The following MGAT4A variants were observed in gnomAD, a reference collection of about 807,000 sequenced individuals.
MGAT4A encodes the protein alpha-1,3-mannosyl-glycoprotein 4-beta-N-acetylglucosaminyltransferase A, also known as N-acetylglucosaminyltransferase IVa.
MGAT4A carries 33 observed loss-of-function variants against 74.1 expected under a neutral mutation model. That is an observed-to-expected ratio of 0.45 (90% confidence interval 0.34 to 0.60). The LOEUF (loss-of-function observed/expected upper bound fraction) is 0.60, where lower values mean the gene tolerates loss of function less well. MGAT4A is among the 20% of genes least tolerant of loss of function. The pLI is 0.02. For synonymous variants in MGAT4A, 198 were observed against 210.4 expected (o/e 0.94, Z 0.51); for missense variants, 479 against 628.3 (o/e 0.76, Z 2.54).
At chr2:98,653,476 T>C (rs1008014836) in intron 8 of MGAT4A, among the ~76,000 whole-genome samples, 2 of 151,042 alleles carry the variant, frequency 1.3e-5, no homozygotes, top group African/African-American at 4.9e-5. Flanking sequence ...TAACTAAAAG[T>C]AGAAATGAAA....
intron 8 of MGAT4A, 71 bp downstream of exon 8, chr2:98,655,374 T>G (rs1431020963): frequency 2.5e-6 from 3 of 1,217,334 alleles, no homozygotes; most frequent in Non-Finnish European, 3.5e-6. Flanking sequence ...ACTTCCTGTT[T>G]TAATGAAAAC....
At position 98,639,801 on chromosome 2, in the gene MGAT4A, C is replaced by T. The variant is rs1701378319; in HGVS notation, c.1322+7G>A. Reference sequence around the variant, plus strand: ...GTAAGATCACATACATTTCAATAATCACCAACCTTTCTACATTGACTGGTT... The same window carrying T: ...GTAAGATCACATACATTTCAATAATTACCAACCTTTCTACATTGACTGGTT... On this transcript the variant is annotated splice_region_variant and intron_variant, in intron 12 of 15. Coordinates refer to ENST00000393487, the MANE Select transcript of MGAT4A (RefSeq NM_012214.3). The T allele has an allele frequency of 1.9e-6, 3 of 1,598,730 alleles. No individual in the cohort carries two copies. The highest frequency in any genetic ancestry group is 2.2e-5 in the South Asian group (2 of 89,842).
intron 4 of MGAT4A, among the ~76,000 whole-genome samples, chr2:98,665,774 G>A (rs1215901147): frequency 3.3e-5 from 5 of 152,232 alleles, no homozygotes; most frequent in East Asian, 1.9e-4. Context: ...GTGTGGTCAC[G>A]GAAGGCCTCT....
intron 10 of MGAT4A, among the ~76,000 whole-genome samples, chr2:98,642,692 A>G (rs1701428065): frequency 1.3e-5 from 2 of 152,248 alleles, no homozygotes; most frequent in Admixed American, 6.5e-5. Flanking sequence ...AAAAATTTCT[A>G]TAAGTCACAG....
At chr2:98,681,520 AG>A (rs1356406855) in intron 2 of MGAT4A, among the ~76,000 whole-genome samples, 2 of 152,184 alleles carry the variant, frequency 1.3e-5, no homozygotes, top group Non-Finnish European at 2.9e-5. Context: ...GCATAAACAC[AG>A]TGTCCAAACA....
intron 4 of MGAT4A, among the ~76,000 whole-genome samples, chr2:98,671,675 T>C (rs1271935296): frequency 6.6e-6 from 1 of 152,176 alleles, no homozygotes; most frequent in Non-Finnish European, 1.5e-5. Context: ...AAGATGTCCA[T>C]GCCGTAATTC....
intron 7 of MGAT4A, 27 bp from the exon 8 acceptor site, chr2:98,655,547 G>A (rs1165006684): frequency 2.0e-6 from 3 of 1,503,766 alleles, no homozygotes; most frequent in East Asian, 2.3e-5. Flanking sequence ...CAAAAAGTAA[G>A]TTAGGAATCA....
rs1375229374 is a variant in MGAT4A at position 98,700,730 on chromosome 2, A to T, written c.95-22259T>A. On this transcript the variant is annotated intron_variant, in intron 2 of 15. Transcript: ENST00000393487. ...ACATGGCAAAACCCCATCTCTACTA[A>T]AAGTACAAAAATTAGCCAGCCGTGG... 3.3e-5 allele frequency among the ~76,000 whole-genome samples: 5 copies of T among 152,114 alleles called. No homozygotes were observed. The East Asian group carries it at 9.7e-4, about 29-fold the overall frequency.
chr2:98,631,055 C>T (rs1161127416), intron 14 of MGAT4A, among the ~76,000 whole-genome samples: 1 of 152,214 alleles, frequency 6.6e-6, no homozygotes, highest in Non-Finnish European at 1.5e-5. Flanking sequence ...TGACCAGTGG[C>T]CCTTTCCTTC....
Position 98,663,099 on chromosome 2 carries a change from T to G in MGAT4A, c.484A>C (p.Asn162His), listed in dbSNP as rs750736331. The part of the protein sequence containing the change: ...LIETLHSLID[N>H]LYPEEKLDCV... ...TCCAACTTCTCTTCAGGATACAGGT[T>G]ATCAATAAGGGAATGAAGAGTTTCT... is the stretch of plus-strand genomic sequence containing the variant. Residue 162 changes from asparagine (N) to histidine (H), a missense_variant, in exon 5 of 16, where the codon AAC (asparagine) becomes CAC (histidine). Around this residue, in one of 3 missense-constraint regions of MGAT4A, gnomAD observed 205 missense variants for 232.7 expected, o/e 0.88. Coordinates refer to ENST00000393487, the MANE Select transcript of MGAT4A (RefSeq NM_012214.3). The G allele has an allele frequency of 6.9e-6, 11 of 1,601,784 alleles. No individual in the cohort carries two copies. The East Asian group carries it at 2.5e-4, about 36-fold the overall frequency.
rs1333823182 is a variant in MGAT4A, at chr2:98,620,289, TCAAA to T, written c.*5273_*5276del. On this transcript the variant is annotated 3_prime_UTR_variant, in exon 16 of 16. Transcript: ENST00000393487. ...AATTTAAAATGCACAACTACCAAAG[TCAAA>T]CAAAATTTTACACACTATAAATACT... 8 of 152,174 alleles carry T rather than the reference TCAAA, an allele frequency of 5.3e-5. No individual in the cohort carries two copies. Among genetic ancestry groups the T allele is most frequent in the African/African-American group, 7.2e-5 (3 of 41,444 alleles). 9.4% of individuals were successfully genotyped at this position (152,174 alleles called of 1,614,324 possible).
chr2:98,646,360 A>T (rs537373315), intron 8 of MGAT4A, among the ~76,000 whole-genome samples: 8 of 152,160 alleles, frequency 5.3e-5, no homozygotes, highest in Non-Finnish European at 1.2e-4. Flanking sequence ...GATCGATTCC[A>T]GATCTGGGAT....
chr2:98,623,130 C>T lies in MGAT4A; in HGVS notation c.*2436G>A, dbSNP rs577930212. 516 of 985,336 alleles carry T rather than the reference C, an allele frequency of 5.2e-4. No homozygotes were observed. The Middle Eastern group carries it at 0.011, about 22-fold the overall frequency. The allele number at this position is 985,336 out of a possible 1,614,324, so 61.0% of individuals were successfully genotyped here. A position where few individuals can be genotyped will look rare whatever the true frequency, so the allele number is the denominator to read the frequency against. Reference sequence around the variant, plus strand: ...ACGTGCCTGGCACACACCCTAGGCACGGGTAGATTCATGGGGAGAGAAGCA... The same window carrying T: ...ACGTGCCTGGCACACACCCTAGGCATGGGTAGATTCATGGGGAGAGAAGCA... On this transcript the variant is annotated 3_prime_UTR_variant, in exon 16 of 16. Coordinates refer to ENST00000393487, the MANE Select transcript of MGAT4A (RefSeq NM_012214.3).
chr2:98,709,391 G>T (rs1309690512), intron 2 of MGAT4A, among the ~76,000 whole-genome samples: 1 of 152,090 alleles, frequency 6.6e-6, no homozygotes, highest in East Asian at 1.9e-4. Context: ...TTAAAAAGGG[G>T]AAAACAGGAA....
intron 2 of MGAT4A, among the ~76,000 whole-genome samples, chr2:98,713,248 GAC>G (rs1702543986): frequency 1.5e-5 from 2 of 131,612 alleles, no homozygotes; most frequent in South Asian, 4.8e-4. Context: ...AATATTAATA[GAC>G]ATGCAAAATA....
intron 4 of MGAT4A, among the ~76,000 whole-genome samples, chr2:98,665,096 G>C (rs1170324433): frequency 6.6e-6 from 1 of 152,040 alleles, no homozygotes; most frequent in African/African-American, 2.4e-5. Flanking sequence ...TTGGGAGGCC[G>C]AGGCGGGTGG....
rs1559165924 is a variant in MGAT4A, at chr2:98,675,048, G to GTT, written c.388_389dup (p.Asn130LysfsTer9). 1 of 1,608,282 alleles carries GTT rather than the reference G, an allele frequency of 6.2e-7. No individual in the cohort carries two copies. Among genetic ancestry groups the GTT allele is most frequent in the Non-Finnish European group, 8.5e-7 (1 of 1,178,618 alleles). ...AAATAAACATACCTCCTGTTCTTCC[G>GTT]TTGCCAATCTGTACAGCAGGTTGAA... On this transcript the variant is annotated frameshift_variant, in exon 4 of 16. Transcript: ENST00000393487. LOFTEE classifies it high-confidence loss of function.
At chr2:98,629,466 C>A (rs575199358) in intron 14 of MGAT4A, among the ~76,000 whole-genome samples, 1 of 152,276 alleles carries the variant, frequency 6.6e-6, no homozygotes, top group South Asian at 2.1e-4. Context: ...GGATTCAGAT[C>A]TTAAAAATAT....
chr2:98,687,412 T>G (rs147345398), intron 2 of MGAT4A, among the ~76,000 whole-genome samples: 14 of 152,292 alleles, frequency 9.2e-5, no homozygotes, highest in African/African-American at 3.1e-4. Flanking sequence ...AGTCACACAC[T>G]ATGGAGTAGC....
Sources: allele counts gnomAD v4.1 joint callset (sites outside exome capture counted in the v4.1 genomes callset), GRCh38; gene constraint gnomAD v4.1.1; regional missense constraint gnomAD v4.1.1; transcripts MANE v1.5; gene names NCBI Gene and HGNC (gene_info 2026-07-23, HGNC 2026-07-21).